The following CNTNAP2 variants were observed in gnomAD, a reference collection of about 807,000 sequenced individuals.
CNTNAP2 encodes contactin-associated protein-like 2.
A neutral mutation model predicts 155.2 loss-of-function variants in CNTNAP2; 98 were observed. The ratio of observed to expected loss-of-function variants is 0.63; its 90% CI spans 0.54 to 0.75. The LOEUF is 0.75. CNTNAP2 is among the 30% of genes least tolerant of loss of function. CNTNAP2 has a pLI of 0.00. For synonymous variants in CNTNAP2, 651 were observed against 631.2 expected, an observed-to-expected ratio of 1.03 and a Z score of -0.47; for missense variants, 1,727 against 1,688.1, an observed-to-expected ratio of 1.02 and a Z score of -0.40.
chr7:147,306,130 A>G (rs1207462410), intron 9 of CNTNAP2, among the ~76,000 whole-genome samples: 1 of 152,192 alleles, frequency 6.6e-6, no homozygotes, highest in African/African-American at 2.4e-5. Flanking sequence ...CACAGTTAGG[A>G]CTTCAGTGTA....
At chr7:146,764,195 G>C (rs1802155476) in intron 1 of CNTNAP2, among the ~76,000 whole-genome samples, 2 of 152,078 alleles carry the variant, frequency 1.3e-5, no homozygotes, top group African/African-American at 2.4e-5. Flanking sequence ...AGTTCATTTA[G>C]TCATATTGTG....
intron 3 of CNTNAP2, among the ~76,000 whole-genome samples, chr7:146,877,796 A>G (rs1795460346): frequency 1.3e-5 from 2 of 152,136 alleles, no homozygotes; most frequent in Middle Eastern, 3.4e-3. Flanking sequence ...GTCACCTTCC[A>G]TGATAGTTTT....
At chr7:147,993,599 G>T (rs1170710102) in intron 15 of CNTNAP2, among the ~76,000 whole-genome samples, 1 of 152,174 alleles carries the variant, frequency 6.6e-6, no homozygotes, top group Non-Finnish European at 1.5e-5. Flanking sequence ...TTCACTTAGG[G>T]GTTGAGAAAG....
intron 1 of CNTNAP2, among the ~76,000 whole-genome samples, chr7:146,741,576 T>G (rs1801717001): frequency 6.6e-6 from 1 of 152,154 alleles, no homozygotes; most frequent in African/African-American, 2.4e-5. Context: ...GAATAATAGC[T>G]GTTCCCGAAA....
rs1257046647 is a variant in CNTNAP2, at chr7:148,078,072, G to T, written c.2384-40046G>T. ...TACCCAAAAACATAATCATTGTTTT[G>T]TTTTTTTTTTAGACAGAATCTTGCT... On this transcript the variant is annotated intron_variant, in intron 15 of 23. Transcript: ENST00000361727. Among the ~76,000 whole-genome samples the T allele has an allele frequency of 1.6e-4, 23 of 148,242 alleles. No homozygotes were observed. In the South Asian group the frequency reaches 2.4e-3, roughly 15 times the overall value.
At position 147,326,175 on chromosome 7, in the gene CNTNAP2, T is replaced by C. The variant is rs184330999; in HGVS notation, c.1498+25885T>C. On this transcript the variant is annotated intron_variant, in intron 9 of 23. Coordinates refer to ENST00000361727, the MANE Select transcript of CNTNAP2 (RefSeq NM_014141.6). ...TCCTGACCTGGTGATCCGCCCGCCT[T>C]GGCCTCCCAAAGTGCTGGGATTACA... is the stretch of plus-strand genomic sequence containing the variant. Among the ~76,000 whole-genome samples, 170 of 152,280 alleles carry C rather than the reference T, an allele frequency of 1.1e-3. 1 individual carries two copies. The highest frequency in any genetic ancestry group is 1.9e-3 in the Admixed American group (29 of 15,290).
At chr7:148,237,672 G>C (rs1406340043) in intron 20 of CNTNAP2, among the ~76,000 whole-genome samples, 2 of 152,068 alleles carry the variant, frequency 1.3e-5, no homozygotes, top group Non-Finnish European at 1.5e-5. Context: ...ATTGAATGCT[G>C]TAAAGTCAGT....
intron 14 of CNTNAP2, among the ~76,000 whole-genome samples, chr7:147,955,454 A>G (rs563749801): frequency 2.6e-5 from 4 of 152,320 alleles, no homozygotes; most frequent in Non-Finnish European, 5.9e-5. Context: ...TCCATTACAC[A>G]CCCATGAGTG....
chr7:146,799,937 G>A (rs1410053935), intron 2 of CNTNAP2, among the ~76,000 whole-genome samples: 2 of 151,760 alleles, frequency 1.3e-5, no homozygotes, highest in African/African-American at 2.4e-5. Flanking sequence ...TGAAAGATTG[G>A]TTATGGGACT....
At chr7:148,071,710 G>A (rs1028295409) in intron 15 of CNTNAP2, among the ~76,000 whole-genome samples, 9 of 152,276 alleles carry the variant, frequency 5.9e-5, no homozygotes, top group Admixed American at 1.3e-4. Flanking sequence ...GGTATGAATT[G>A]AGGATTTTGA....
intron 1 of CNTNAP2, among the ~76,000 whole-genome samples, chr7:146,724,032 C>G (rs929625202): frequency 6.6e-6 from 1 of 152,114 alleles, no homozygotes; most frequent in African/African-American, 2.4e-5. Flanking sequence ...GGAATTCAAA[C>G]GTTACTACCT....
At chr7:146,683,962 A>G (rs1459658600) in intron 1 of CNTNAP2, among the ~76,000 whole-genome samples, 2 of 152,150 alleles carry the variant, frequency 1.3e-5, no homozygotes, top group Non-Finnish European at 2.9e-5. Flanking sequence ...CTTTCACTGG[A>G]AACAGGGAAT....
intron 3 of CNTNAP2, among the ~76,000 whole-genome samples, chr7:146,954,918 C>G (rs982469946): frequency 6.6e-6 from 1 of 151,776 alleles, no homozygotes; most frequent in Non-Finnish European, 1.5e-5. Context: ...TGCCCTTTGT[C>G]TTAAACCATG....
intron 9 of CNTNAP2, among the ~76,000 whole-genome samples, chr7:147,353,126 C>T (rs2030759): frequency 0.051 from 7,653 of 151,120 alleles, 659 homozygotes; most frequent in African/African-American, 0.18. Context: ...TGTATATATA[C>T]ATACATATAC....
intron 13 of CNTNAP2, among the ~76,000 whole-genome samples, chr7:147,889,590 A>G (rs1799653926): frequency 1.3e-5 from 2 of 152,206 alleles, no homozygotes; most frequent in Admixed American, 1.3e-4. Context: ...GGAAGATTGA[A>G]AGATATAGTA....
chr7:147,966,847 TGAG>T (rs1448665705), intron 14 of CNTNAP2, among the ~76,000 whole-genome samples: 1 of 149,910 alleles, frequency 6.7e-6, no homozygotes, highest in East Asian at 2.0e-4. Context: ...AAGGCAAGAG[TGAG>T]GAGGAGTGTG....
chr7:147,350,497 A>G (rs532982081), intron 9 of CNTNAP2, among the ~76,000 whole-genome samples: 1 of 152,000 alleles, frequency 6.6e-6, no homozygotes, highest in South Asian at 2.1e-4. Flanking sequence ...TCAACTCTCA[A>G]TAAGGCAAAA....
At chr7:147,506,342 G>A (rs534105998) in intron 11 of CNTNAP2, among the ~76,000 whole-genome samples, 11 of 152,202 alleles carry the variant, frequency 7.2e-5, no homozygotes, top group South Asian at 2.1e-4. Flanking sequence ...TGCAACCTCC[G>A]CCTCCTGGGT....
At chr7:147,001,679 T>C (rs1179308543) in intron 3 of CNTNAP2, among the ~76,000 whole-genome samples, 1 of 151,880 alleles carries the variant, frequency 6.6e-6, no homozygotes, top group East Asian at 1.9e-4. Flanking sequence ...TTCCTCTAGT[T>C]AGAGGACTCT....
Sources: allele counts gnomAD v4.1 joint callset (sites outside exome capture counted in the v4.1 genomes callset), GRCh38; gene constraint gnomAD v4.1.1; transcripts MANE v1.5; gene names NCBI Gene and HGNC (gene_info 2026-07-23, HGNC 2026-07-21).